ANK2: variants seen among roughly 807,000 people sequenced by gnomAD.
ANK2 encodes ankyrin 2.
A neutral mutation model predicts 360.5 loss-of-function variants in ANK2; 83 were observed. The ratio of observed to expected loss-of-function variants is 0.23; its 90% CI spans 0.19 to 0.28. ANK2 has a LOEUF of 0.28. ANK2 is among the 10% of genes least tolerant of loss of function. The pLI, the probability that ANK2 is intolerant of heterozygous loss-of-function variation, is 1.00. For missense variants in ANK2, 4,201 were observed against 4,795.7 expected (o/e 0.88, Z 3.66); for synonymous variants, 1,740 against 1,759.5 (o/e 0.99, Z 0.28).
chr4:113,083,935 A>G (rs34633474), intron 1 of ANK2, among the ~76,000 whole-genome samples: 1 of 152,030 alleles, frequency 6.6e-6, no homozygotes, highest in African/African-American at 2.4e-5. Flanking sequence ...AGCACAAAAC[A>G]TGCTTAAATT....
At chr4:113,323,408 C>T (rs537041911) in intron 26 of ANK2, among the ~76,000 whole-genome samples, 10 of 152,180 alleles carry the variant, frequency 6.6e-5, no homozygotes, top group African/African-American at 1.7e-4. Flanking sequence ...AAAACCTTTG[C>T]GTCAAAACTG....
At chr4:112,947,022 G>A (rs758517619) in intron 2 of ANK2, among the ~76,000 whole-genome samples, 1 of 152,160 alleles carries the variant, frequency 6.6e-6, no homozygotes, top group Non-Finnish European at 1.5e-5. Context: ...AGCTGATGCA[G>A]AAACAACAAA....
the ANK2 span, among the ~76,000 whole-genome samples, chr4:112,762,038 G>A: frequency 6.6e-6 from 1 of 152,200 alleles, no homozygotes; most frequent in East Asian, 1.9e-4. Context: ...CATCTGAGTT[G>A]AGTCTTGAAT....
chr4:113,186,234 C>T (rs1447683013), intron 2 of ANK2, among the ~76,000 whole-genome samples: 1 of 152,206 alleles, frequency 6.6e-6, no homozygotes, highest in African/African-American at 2.4e-5. Flanking sequence ...TGTTCTGCAG[C>T]CTCTGCTGGT....
intron 1 of ANK2, among the ~76,000 whole-genome samples, chr4:113,156,189 A>G (rs112330976): frequency 0.013 from 1,958 of 152,276 alleles, 42 homozygotes; most frequent in African/African-American, 0.045. Flanking sequence ...GGAAATGCTA[A>G]AAACAATGAT....
chr4:113,166,024 C>T (rs1328046391), intron 1 of ANK2, among the ~76,000 whole-genome samples: 4 of 152,078 alleles, frequency 2.6e-5, no homozygotes, highest in Non-Finnish European at 5.9e-5. Context: ...AAAATACTGA[C>T]GTGTTCAGTG....
intron 2 of ANK2, among the ~76,000 whole-genome samples, chr4:113,192,935 A>AC (rs973107498): frequency 1.3e-5 from 2 of 151,466 alleles, no homozygotes; most frequent in African/African-American, 4.8e-5. Context: ...AAAAAAAAAA[A>AC]AAAAAACAAC....
chr4:113,270,403 G>A (rs138956438), intron 14 of ANK2, among the ~76,000 whole-genome samples: 364 of 152,224 alleles, frequency 2.4e-3, no homozygotes, highest in African/African-American at 8.4e-3. Flanking sequence ...TGGCAACAGA[G>A]TCTTTCCTTT....
intron 2 of ANK2, among the ~76,000 whole-genome samples, chr4:112,943,659 A>T (rs2094379893): frequency 6.6e-6 from 1 of 152,034 alleles, no homozygotes; most frequent in Admixed American, 6.6e-5. Context: ...TTTATTATAT[A>T]TTTTACTACA....
intron 24 of ANK2, among the ~76,000 whole-genome samples, chr4:113,311,651 T>C (rs76917568): frequency 6.6e-6 from 1 of 151,718 alleles, no homozygotes; most frequent in Non-Finnish European, 1.5e-5. Flanking sequence ...AAAACCATCA[T>C]AAATAAGAGT....
chr4:113,289,780 T>C (rs1362561101), intron 20 of ANK2, among the ~76,000 whole-genome samples: 1 of 152,228 alleles, frequency 6.6e-6, no homozygotes, highest in Non-Finnish European at 1.5e-5. Flanking sequence ...CTAGCAAGAA[T>C]AGCTTGCTGC....
At chr4:112,766,259 T>C in the ANK2 span, among the ~76,000 whole-genome samples, 3 of 151,338 alleles carry the variant, frequency 2.0e-5, no homozygotes, top group Admixed American at 2.0e-4. Context: ...AGGCGGAGGT[T>C]GCAGTGAGCC....
rs1042147676 is a variant in ANK2, at chr4:112,978,818, A to G, written c.21+74304A>G. Among the ~76,000 whole-genome samples, 9 of 152,310 alleles carry G rather than the reference A, an allele frequency of 5.9e-5. No homozygotes were observed. In the East Asian group the frequency reaches 7.7e-4, roughly 13 times the overall value. The stretch of plus-strand genomic sequence containing the variant: ...TTACCAATTTGAAAATGCCTCAGCA[A>G]TGATGAATTTGGCATAGTCATTTGA... On this transcript the variant is annotated intron_variant, in intron 2 of 30. Coordinates refer to the ANK2 transcript ENST00000503271.
chr4:112,777,377 T>TA, the ANK2 span, among the ~76,000 whole-genome samples: 1 of 152,078 alleles, frequency 6.6e-6, no homozygotes, highest in South Asian at 2.1e-4. Context: ...TAGCTGGGAC[T>TA]ACAGACACCT....
intron 2 of ANK2, among the ~76,000 whole-genome samples, chr4:112,934,325 G>A (rs1378782320): frequency 6.6e-6 from 1 of 152,162 alleles, no homozygotes; most frequent in Admixed American, 6.5e-5. Flanking sequence ...CTTTGACCTC[G>A]AGGTTGGATC....
At chr4:113,142,622 A>G (rs910784206) in intron 1 of ANK2, among the ~76,000 whole-genome samples, 4 of 152,058 alleles carry the variant, frequency 2.6e-5, no homozygotes, top group Non-Finnish European at 2.9e-5. Context: ...GGATCACTAC[A>G]TGGCATATTT....
the ANK2 span, among the ~76,000 whole-genome samples, chr4:112,799,181 G>C: frequency 6.6e-6 from 1 of 152,170 alleles, no homozygotes; most frequent in Non-Finnish European, 1.5e-5. Context: ...ACGTTCCATT[G>C]TATGTATGTA....
At chr4:112,905,160 T>C (rs1433732285) in intron 2 of ANK2, among the ~76,000 whole-genome samples, 1 of 152,204 alleles carries the variant, frequency 6.6e-6, no homozygotes, top group African/African-American at 2.4e-5. Context: ...ATCCGTTTCT[T>C]TTCTAGAAGG....
the ANK2 span, among the ~76,000 whole-genome samples, chr4:112,723,192 T>C: frequency 8.5e-5 from 13 of 152,212 alleles, no homozygotes; most frequent in African/African-American, 2.7e-4. Context: ...TACTTGCTCC[T>C]GTTTACTGAA....
Sources: gnomAD v4.1 joint callset for allele counts (sites outside exome capture counted in the v4.1 genomes callset) on GRCh38, gnomAD v4.1.1 for gene constraint, MANE v1.5 for transcripts, NCBI Gene and HGNC (gene_info 2026-07-23, HGNC 2026-07-21) for gene names.